Variants in HTR2C observed in about 807,000 individuals in gnomAD.
HTR2C encodes 5-hydroxytryptamine receptor 2C, also known as 5-hydroxytryptamine (serotonin) receptor 2C, G protein-coupled.
In HTR2C, 5 loss-of-function variants were observed where a neutral mutation model predicts 21.0. That is an observed-to-expected ratio of 0.24 (90% CI 0.12 to 0.50). HTR2C has a LOEUF of 0.50. Ranked by LOEUF, HTR2C falls within the 20% of genes least tolerant of loss-of-function variation. The pLI, the probability that HTR2C is intolerant of heterozygous loss-of-function variation, is 0.98. For synonymous variants in HTR2C, 150 were observed against 145.3 expected (o/e 1.03, Z -0.23); for missense variants, 271 against 371.2 (o/e 0.73, Z 2.22).
intron 2 of HTR2C, among the ~76,000 whole-genome samples, chrX:114,653,134 CT>C (rs1412444767): frequency 1.9e-5 from 2 of 106,714 alleles, no homozygotes; most frequent in African/African-American, 6.8e-5. Flanking sequence ...TGTCACTTAG[CT>C]TTTTTTTTCT....
intron 4 of HTR2C, among the ~76,000 whole-genome samples, chrX:114,820,958 A>G (rs1274491600): frequency 1.8e-5 from 2 of 111,688 alleles, no homozygotes; most frequent in African/African-American, 6.5e-5. Context: ...GTCACTTTTA[A>G]TCTATTATCA....
intron 4 of HTR2C, among the ~76,000 whole-genome samples, chrX:114,801,748 A>G (rs1170757793): frequency 1.8e-5 from 2 of 111,091 alleles, no homozygotes; most frequent in African/African-American, 3.3e-5. Flanking sequence ...CAAGAGTACA[A>G]TGCATAATAA....
At chrX:114,895,429 C>A (rs1332257635) in intron 5 of HTR2C, among the ~76,000 whole-genome samples, 1 of 110,806 alleles carries the variant, frequency 9.0e-6, no homozygotes, top group Non-Finnish European at 1.9e-5. Context: ...AATTTGTGTT[C>A]TTTCTCCTTC....
Position 114,807,085 on chromosome X carries a change from A to G in HTR2C, c.350-40918A>G, listed in dbSNP as rs370804683. 4.1e-4 allele frequency among the ~76,000 whole-genome samples: 18 copies of G among 44,249 alleles called. 7 individuals are homozygous for G. Among genetic ancestry groups the G allele is most frequent in the African/African-American group, 9.6e-4 (16 of 16,724 alleles). 38.4% of individuals were successfully genotyped at this position (44,249 alleles called of 115,157 possible). On this transcript the variant is annotated intron_variant, in intron 4 of 5. Transcript: ENST00000276198. ...CATATATATACCATATATACACCAT[A>G]TATATACCCCATATATACACCATGT...
intron 1 of HTR2C, among the ~76,000 whole-genome samples, chrX:114,603,019 C>T (rs1211121359): frequency 2.7e-5 from 3 of 110,090 alleles, no homozygotes; most frequent in Admixed American, 1.9e-4. Context: ...TGGTGTGTGG[C>T]GATTAGGCCT....
chrX:114,735,718 T>C (rs782519518), intron 4 of HTR2C, among the ~76,000 whole-genome samples: 5 of 111,752 alleles, frequency 4.5e-5, no homozygotes, highest in African/African-American at 1.6e-4. Flanking sequence ...AAGCATGTTA[T>C]AAATATAAAG....
intron 4 of HTR2C, chrX:114,775,291 T>C: frequency 3.8e-6 from 2 of 527,116 alleles, no homozygotes; most frequent in Non-Finnish European, 6.9e-6. Context: ...CCTACACTCT[T>C]GTCCACAGCA....
At chrX:114,774,835 A>G (rs2070040623) in intron 4 of HTR2C, 2 of 477,603 alleles carry the variant, frequency 4.2e-6, no homozygotes, top group Non-Finnish European at 3.8e-6. Flanking sequence ...GGCTTAATCA[A>G]CCTCTTCAGT....
intron 2 of HTR2C, among the ~76,000 whole-genome samples, chrX:114,660,687 G>T (rs1240100012): frequency 8.9e-6 from 1 of 111,805 alleles, no homozygotes; most frequent in Non-Finnish European, 1.9e-5. Context: ...TGCACACTGA[G>T]AATCCTTATA....
Position 114,907,860 on chromosome X carries a change from A to T in HTR2C, c.*445A>T. On this transcript the variant is annotated 3_prime_UTR_variant, in exon 6 of 6. Transcript: ENST00000276198. ...CATTTGTTCTGGGTTAACAGTAAAT[A>T]TACACTTTACATTCTTGCTCTGCTC... is the stretch of plus-strand genomic sequence containing the variant. 6.5e-4 allele frequency: 79 copies of T among 121,380 alleles called. No homozygotes were observed. The highest frequency in any genetic ancestry group is 2.8e-3 in the South Asian group (9 of 3,250). 10.0% of individuals were successfully genotyped at this position (121,380 alleles called of 1,213,427 possible).
At chrX:114,752,177 T>G (rs2069766773) in intron 4 of HTR2C, among the ~76,000 whole-genome samples, 1 of 111,798 alleles carries the variant, frequency 8.9e-6, no homozygotes, top group South Asian at 3.7e-4. Context: ...AATGAATAAG[T>G]TAGAATGAAA....
intron 2 of HTR2C, among the ~76,000 whole-genome samples, chrX:114,724,921 C>T (rs1304352167): frequency 1.8e-5 from 2 of 108,583 alleles, no homozygotes; most frequent in African/African-American, 6.7e-5. Context: ...GAGAGTAACC[C>T]GACCTTTCTC....
At chrX:114,896,329 G>T (rs1446957880) in intron 5 of HTR2C, among the ~76,000 whole-genome samples, 1 of 112,088 alleles carries the variant, frequency 8.9e-6, no homozygotes, top group Non-Finnish European at 1.9e-5. Flanking sequence ...TTTAAAGAAG[G>T]TATATTCAGA....
chrX:114,683,657 T>C (rs1312334951), intron 2 of HTR2C, among the ~76,000 whole-genome samples: 1 of 110,905 alleles, frequency 9.0e-6, no homozygotes. Context: ...TGGTGGCCTG[T>C]GATCCCAGCT....
intron 2 of HTR2C, among the ~76,000 whole-genome samples, chrX:114,675,913 A>G (rs1428178536): frequency 1.1e-5 from 1 of 95,048 alleles, no homozygotes; most frequent in African/African-American, 3.9e-5. Flanking sequence ...CTTGTCCTCC[A>G]GGCTGGAGTG....
intron 2 of HTR2C, chrX:114,715,358 A>G: frequency 5.2e-6 from 2 of 381,062 alleles, no homozygotes; most frequent in South Asian, 2.4e-5. Context: ...GGAACCCTCC[A>G]CAACCAGAAG....
intron 5 of HTR2C, among the ~76,000 whole-genome samples, chrX:114,861,045 G>A: frequency 9.0e-6 from 1 of 110,774 alleles, no homozygotes; most frequent in Non-Finnish European, 1.9e-5. Flanking sequence ...TGTGTGTATG[G>A]CAAGAACAGC....
Position 114,626,227 on chromosome X carries a change from A to AT in HTR2C, c.-80+12346_-80+12347insT, listed in dbSNP as rs1341604777. On this transcript the variant is annotated intron_variant, in intron 2 of 5. Transcript: ENST00000276198. ...ACCCCATCTCTGCAAAAAAAAAAAA[A>AT]AATAATAAAAAATTAGCCAGGCATG... Among the ~76,000 whole-genome samples, 101 of 103,294 alleles carry AT rather than the reference A, an allele frequency of 9.8e-4. 1 individual carries two copies. Among genetic ancestry groups the AT allele is most frequent in the South Asian group, 3.9e-3 (9 of 2,300 alleles). The allele number at this position is 103,294 out of a possible 115,157, so 89.7% of individuals were successfully genotyped here.
chrX:114,833,472 T>C (rs1449998106), intron 4 of HTR2C, among the ~76,000 whole-genome samples: 2 of 111,887 alleles, frequency 1.8e-5, no homozygotes, highest in Non-Finnish European at 3.8e-5. Flanking sequence ...TGCTAGATTT[T>C]CTAGTTTATT....
Sources: gnomAD v4.1 joint callset for allele counts (sites outside exome capture counted in the v4.1 genomes callset) on GRCh38, gnomAD v4.1.1 for gene constraint, MANE v1.5 for transcripts, NCBI Gene and HGNC (gene_info 2026-07-23, HGNC 2026-07-21) for gene names.